The following UGT8 variants were observed in gnomAD, a reference collection of about 807,000 sequenced individuals.
UGT8 encodes the protein UDP glycosyltransferase 8, also known as 2-hydroxyacylsphingosine 1-beta-galactosyltransferase.
UGT8 carries 12 observed loss-of-function variants against 40.5 expected under a neutral mutation model. The ratio of observed to expected loss-of-function variants is 0.30; its 90% CI spans 0.19 to 0.48. UGT8 has a LOEUF of 0.48. Among genes scored for constraint, UGT8 ranks in the 20% least tolerant of loss-of-function variants. The pLI is 0.99. For missense variants in UGT8, 513 were observed against 648.7 expected (o/e 0.79, Z 2.27); for synonymous variants, 224 against 240.4 (o/e 0.93, Z 0.63).
At chr4:114,667,944 G>A (rs1208049147) in intron 4 of UGT8, 141 bp from the exon 5 acceptor site, 1 of 1,433,658 alleles carries the variant, frequency 7.0e-7, no homozygotes, top group Admixed American at 2.8e-5. Context: ...TGTAGAGCAG[G>A]AATCAGTGAA....
At chr4:114,664,646 A>G (rs1578465514) in intron 3 of UGT8, among the ~76,000 whole-genome samples, 2 of 152,168 alleles carry the variant, frequency 1.3e-5, no homozygotes, top group Admixed American at 6.5e-5. Context: ...ATCACGTACC[A>G]TTTAACACGG....
chr4:114,673,687 T>C (rs1450910903), intron 5 of UGT8, among the ~76,000 whole-genome samples: 3 of 152,226 alleles, frequency 2.0e-5, no homozygotes, highest in Non-Finnish European at 4.4e-5. Context: ...GTTTTTATCC[T>C]TCTTTTCCAT....
intron 2 of UGT8, among the ~76,000 whole-genome samples, chr4:114,647,566 A>T (rs1560694395): frequency 1.3e-5 from 2 of 152,042 alleles, no homozygotes; most frequent in Non-Finnish European, 2.9e-5. Context: ...GGGTTTCACC[A>T]CATTGGCCAG....
At chr4:114,638,113 T>G (rs957851569) in intron 2 of UGT8, among the ~76,000 whole-genome samples, 1 of 152,208 alleles carries the variant, frequency 6.6e-6, no homozygotes, top group African/African-American at 2.4e-5. Flanking sequence ...AAAAATACCC[T>G]TTTATCATTA....
At chr4:114,616,037 G>A (rs181013123) in intron 1 of UGT8, among the ~76,000 whole-genome samples, 18 of 152,278 alleles carry the variant, frequency 1.2e-4, no homozygotes, top group African/African-American at 4.3e-4. Flanking sequence ...AGTTAGGCTA[G>A]TCGGGGGTCA....
intron 2 of UGT8, among the ~76,000 whole-genome samples, chr4:114,661,391 A>G (rs1368682333): frequency 3.9e-5 from 6 of 152,158 alleles, no homozygotes; most frequent in African/African-American, 1.4e-4. Context: ...AAAATCCTGT[A>G]TGTTTATATA....
intron 1 of UGT8, among the ~76,000 whole-genome samples, chr4:114,617,529 G>C (rs1731518181): frequency 6.6e-6 from 1 of 152,140 alleles, no homozygotes; most frequent in African/African-American, 2.4e-5. Context: ...TCAAATATTT[G>C]TACATTCTTT....
At chr4:114,651,640 C>G (rs576497370) in intron 2 of UGT8, among the ~76,000 whole-genome samples, 1 of 152,080 alleles carries the variant, frequency 6.6e-6, no homozygotes, top group Non-Finnish European at 1.5e-5. Context: ...ATCTGTCATT[C>G]TCTGACACCC....
In UGT8 at chr4:114,674,272, G is replaced by C. The variant is rs181820076; in HGVS notation, c.1263-1653G>C. ...TTTCCAGCAGCATGTCCCGTGTTCT[G>C]TGTTACTGTGTCCTGTTAATTAACT... On this transcript the variant is annotated intron_variant, in intron 5 of 5. Transcript: ENST00000310836. 3.8e-3 allele frequency among the ~76,000 whole-genome samples: 583 copies of C among 152,108 alleles called. 4 individuals are homozygous for C. The highest frequency in any genetic ancestry group is 0.014 in the African/African-American group (564 of 41,476).
intron 1 of UGT8, among the ~76,000 whole-genome samples, chr4:114,617,741 A>G (rs1040991547): frequency 6.6e-6 from 1 of 152,214 alleles, no homozygotes; most frequent in Non-Finnish European, 1.5e-5. Context: ...AGTGCCCTTA[A>G]CAGTAAGAAT....
At chr4:114,617,944 G>GA (rs1466560962) in intron 1 of UGT8, among the ~76,000 whole-genome samples, 1 of 152,030 alleles carries the variant, frequency 6.6e-6, no homozygotes, top group Non-Finnish European at 1.5e-5. Flanking sequence ...TGAAAATCCT[G>GA]AAAAATATAA....
intron 2 of UGT8, among the ~76,000 whole-genome samples, chr4:114,657,759 A>G (rs1220268975): frequency 1.3e-5 from 2 of 151,812 alleles, no homozygotes; most frequent in African/African-American, 4.8e-5. Context: ...ATCAGATATC[A>G]TGGCCAGGGA....
At chr4:114,613,314 C>T (rs1207189787) in intron 1 of UGT8, among the ~76,000 whole-genome samples, 1 of 152,092 alleles carries the variant, frequency 6.6e-6, no homozygotes, top group Non-Finnish European at 1.5e-5. Flanking sequence ...TTTTAATTAT[C>T]TGTCTAAATT....
At chr4:114,674,914 A>C (rs927615988) in intron 5 of UGT8, among the ~76,000 whole-genome samples, 2 of 152,224 alleles carry the variant, frequency 1.3e-5, no homozygotes, top group African/African-American at 4.8e-5. Flanking sequence ...TTGGCACATG[A>C]ATGTGCAGTC....
intron 2 of UGT8, among the ~76,000 whole-genome samples, chr4:114,656,554 A>G (rs1734198316): frequency 6.6e-6 from 1 of 152,196 alleles, no homozygotes; most frequent in African/African-American, 2.4e-5. Context: ...ATTAAAAGAA[A>G]TAAGTATTGA....
intron 5 of UGT8, among the ~76,000 whole-genome samples, chr4:114,672,997 G>A (rs1200742514): frequency 1.3e-5 from 2 of 152,006 alleles, no homozygotes; most frequent in South Asian, 2.1e-4. Context: ...ATGGAGAATC[G>A]ATCATTATTA....
intron 2 of UGT8, among the ~76,000 whole-genome samples, chr4:114,632,898 A>G (rs1367405765): frequency 1.3e-5 from 2 of 152,248 alleles, no homozygotes; most frequent in Admixed American, 1.3e-4. Flanking sequence ...CTTTTATTAC[A>G]CTATGCATTT....
intron 5 of UGT8, among the ~76,000 whole-genome samples, chr4:114,674,664 A>G (rs545821021): frequency 1.3e-5 from 2 of 152,272 alleles, no homozygotes; most frequent in South Asian, 4.1e-4. Flanking sequence ...TTTCCAAATG[A>G]ATTTGTTCTG....
chr4:114,670,128 G>A (rs1735142460), intron 5 of UGT8, among the ~76,000 whole-genome samples: 1 of 151,998 alleles, frequency 6.6e-6, no homozygotes, highest in African/African-American at 2.4e-5. Flanking sequence ...AAAACTTCAG[G>A]CCAATATCGC....
Sources: gnomAD v4.1 joint callset for allele counts (sites outside exome capture counted in the v4.1 genomes callset) on GRCh38, gnomAD v4.1.1 for gene constraint, MANE v1.5 for transcripts, NCBI Gene and HGNC (gene_info 2026-07-23, HGNC 2026-07-21) for gene names.